BBS7: variants seen among roughly 807,000 people sequenced by gnomAD.
BBS7 encodes the protein BBSome complex member BBS7.
Under a neutral mutation model 90.3 loss-of-function variants are expected in BBS7, and 50 were observed. That is an observed-to-expected ratio of 0.55 (90% CI 0.44 to 0.70). The LOEUF (loss-of-function observed/expected upper bound fraction) is 0.70. Ranked by LOEUF, BBS7 falls within the 30% of genes least tolerant of loss-of-function variation. The pLI is 0.00. For missense variants in BBS7, 729 were observed against 838.9 expected (o/e 0.87, Z 1.62); for synonymous variants, 235 against 287.4 (o/e 0.82, Z 1.85).
At chr4:121,841,571 A>ATT (rs1725745106) in intron 12 of BBS7, among the ~76,000 whole-genome samples, 3 of 151,016 alleles carry the variant, frequency 2.0e-5, no homozygotes, top group African/African-American at 7.3e-5. Flanking sequence ...CATCTTTTAA[A>ATT]AAAAAAAAAG....
chr4:121,847,682 CAGACTACAGAGAAATTACTTA>C (rs1429638835), intron 9 of BBS7, among the ~76,000 whole-genome samples, 176 bp from the exon 10 acceptor site: 1 of 152,056 alleles, frequency 6.6e-6, no homozygotes, highest in Non-Finnish European at 1.5e-5. Context: ...GGAAAATATT[CAGACTACAGAGAAATTACTTA>C]AGCATTTCAC....
chr4:121,866,122 C>T (rs975983194), intron 2 of BBS7, among the ~76,000 whole-genome samples: 1 of 151,932 alleles, frequency 6.6e-6, no homozygotes, highest in Non-Finnish European at 1.5e-5. Flanking sequence ...ATATTAATTC[C>T]TTGTTGGATG....
chr4:121,861,563 T>A lies in BBS7; in HGVS notation c.282A>T (p.Thr94=), dbSNP rs1459873704. Residue 94 remains threonine (T), a synonymous_variant, in exon 4 of 19, where the codon ACA becomes ACT. Coordinates refer to ENST00000264499, the MANE Select transcript of BBS7 (RefSeq NM_176824.3). ...IAAASEIRGF[T]KRGKQFLSFE... is the part of the protein sequence containing the mutation. ...AGGAGAGGAACTGTTTTCCTCTTTT[T>A]GTGAAGCCTCTAATCTCAGATGCTG... is the stretch of plus-strand genomic sequence containing the variant. 8 of 1,613,914 alleles carry A rather than the reference T, an allele frequency of 5.0e-6. No homozygotes were observed. Among genetic ancestry groups the A allele is most frequent in the Non-Finnish European group, 6.8e-6 (8 of 1,179,830 alleles).
intron 2 of BBS7, among the ~76,000 whole-genome samples, chr4:121,866,146 T>C (rs953296217): frequency 1.2e-4 from 18 of 152,312 alleles, no homozygotes; most frequent in African/African-American, 4.1e-4. Context: ...AGTTTGCAAA[T>C]ATTTTAAATC....
In BBS7 at chr4:121,824,597, T is replaced by G. The variant is rs926943277; in HGVS notation, c.*1263A>C. On this transcript the variant is annotated 3_prime_UTR_variant, in exon 19 of 19. Coordinates refer to ENST00000264499, the MANE Select transcript of BBS7 (RefSeq NM_176824.3). This position sits in a 1 kb window ranked among gnomAD's most constrained non-coding sequence, Gnocchi z 4.1. ...TGCATTACAAAATATTCAAATACAG[T>G]CATTAATTTTTTTCTATTTTTCCCC... The G allele has an allele frequency of 6.6e-6, 1 of 152,118 alleles. No homozygotes were observed. The highest frequency in any genetic ancestry group is 1.5e-5 in the Non-Finnish European group (1 of 67,998). 9.4% of individuals were successfully genotyped at this position (152,118 alleles called of 1,614,324 possible). A position where few individuals can be genotyped will look rare whatever the true frequency, so the allele number is the denominator to read the frequency against.
intron 9 of BBS7, 87 bp downstream of exon 9, chr4:121,848,757 T>A: frequency 9.0e-7 from 1 of 1,116,790 alleles, no homozygotes; most frequent in Non-Finnish European, 1.3e-6. Flanking sequence ...AACTGTTTTT[T>A]AAAAAGAGTC....
chr4:121,847,553 T>G, intron 9 of BBS7, 47 bp from the exon 10 acceptor site: 1 of 1,320,028 alleles, frequency 7.6e-7, no homozygotes, highest in Non-Finnish European at 1.1e-6. Flanking sequence ...CTGCTAGTGT[T>G]AAAAAGATAA....
intron 5 of BBS7, 71 bp from the exon 6 acceptor site, chr4:121,855,632 T>A: frequency 7.8e-7 from 1 of 1,288,016 alleles, no homozygotes; most frequent in East Asian, 2.3e-5. Context: ...ATGAATAACA[T>A]CAATATTCAA....
At position 121,861,671 on chromosome 4, in the gene BBS7, G is replaced by A. The variant is rs763396174; in HGVS notation, c.174C>T (p.Phe58=). The A allele has an allele frequency of 1.2e-6, 2 of 1,613,264 alleles. No individual in the cohort carries two copies. Among genetic ancestry groups the A allele is most frequent in the South Asian group, 2.2e-5 (2 of 91,038 alleles). Residue 58 remains phenylalanine (F), a synonymous_variant, in exon 4 of 19, where the codon TTC becomes TTT. Transcript: ENST00000264499. ...CAATCTTCGGCCCGGGTAAAGTCTT[G>A]AACACTGCCTGAAAAAAATCATTCA... ...GMKKGEAAAV[F]KTLPGPKIAR... is the part of the protein sequence containing the mutation.
rs560226284 is a variant in BBS7 at position 121,828,310 on chromosome 4, T to G, written c.1891-41A>C. ...AACAGAAGCACCTTAATATTCAAAA[T>G]TCAATCCAATGTAATGTTAAAGTAT... On this transcript the variant is annotated intron_variant, in intron 17 of 18. Coordinates refer to ENST00000264499, the MANE Select transcript of BBS7 (RefSeq NM_176824.3). The G allele has an allele frequency of 3.8e-6, 6 of 1,596,696 alleles. No homozygotes were observed. In the East Asian group the frequency reaches 1.1e-4, roughly 30 times the overall value.
chr4:121,867,360 G>A (rs972102182), intron 2 of BBS7, among the ~76,000 whole-genome samples: 19 of 151,934 alleles, frequency 1.3e-4, no homozygotes, highest in Admixed American at 2.6e-4. Flanking sequence ...TCATGTCATC[G>A]GCAAACAGAG....
chr4:121,861,572 T>A lies in BBS7; in HGVS notation c.273A>T (p.Arg91Ser). The A allele has an allele frequency of 6.2e-7, 1 of 1,613,880 alleles. No individual in the cohort carries two copies. Among genetic ancestry groups the A allele is most frequent in the East Asian group, 2.2e-5 (1 of 44,872 alleles). ...KIFIAAASEIRGFTKRGKQFL... is the reference protein window; with the variant it reads ...KIFIAAASEISGFTKRGKQFL... ...ACTGTTTTCCTCTTTTTGTGAAGCC[T>A]CTAATCTCAGATGCTGCAGCAATAA... is the stretch of plus-strand genomic sequence containing the variant. Residue 91 changes from arginine (R) to serine (S), a missense_variant, in exon 4 of 19, where the codon AGA (arginine) becomes AGT (serine). Arg to Ser is a moderately radical substitution (Grantham distance 110). Transcript: ENST00000264499.
At chr4:121,846,750 TA>T (rs1417106447) in intron 10 of BBS7, among the ~76,000 whole-genome samples, 1 of 152,148 alleles carries the variant, frequency 6.6e-6, no homozygotes, top group Non-Finnish European at 1.5e-5. Flanking sequence ...TTTGCTGCCT[TA>T]AAAGTTTCTG....
rs115481285 is a variant in BBS7, at chr4:121,853,154, A to G, written c.719-68T>C. 2.8e-3 allele frequency: 4,395 copies of G among 1,551,008 alleles called. 136 individuals carry two copies. In the African/African-American group the frequency reaches 0.053, roughly 19 times the overall value. ...GTTATGGTCAAGTATATGCCAAGTA[A>G]GAATGAAAAAAACACACATACCGAC... On this transcript the variant is annotated intron_variant, in intron 7 of 18. Coordinates refer to ENST00000264499, the MANE Select transcript of BBS7 (RefSeq NM_176824.3).
chr4:121,856,774 GTTT>G (rs544291720), intron 5 of BBS7, among the ~76,000 whole-genome samples: 14 of 144,004 alleles, frequency 9.7e-5, no homozygotes, highest in African/African-American at 3.5e-4. Context: ...TTGTTTTAAT[GTTT>G]TTTTTTTTTT....
intron 7 of BBS7, among the ~76,000 whole-genome samples, chr4:121,853,617 A>G (rs540740143): frequency 6.6e-6 from 1 of 151,930 alleles, no homozygotes; most frequent in Non-Finnish European, 1.5e-5. Context: ...AGCTACTGAT[A>G]GCCTAGACTA....
intron 7 of BBS7, 83 bp from the exon 8 acceptor site, chr4:121,853,169 C>T (rs1726415493): frequency 6.9e-7 from 1 of 1,446,506 alleles, no homozygotes; most frequent in South Asian, 1.2e-5. Context: ...GAAAAAAACA[C>T]ACATACCGAC....
chr4:121,859,234 C>T (rs1726848548), intron 4 of BBS7, 56 bp from the exon 5 acceptor site: 4 of 1,502,928 alleles, frequency 2.7e-6, no homozygotes, highest in Admixed American at 3.4e-5. Flanking sequence ...GAATTTTTTT[C>T]AGAGATAAAA....
intron 3 of BBS7, 117 bp downstream of exon 3, chr4:121,863,100 C>T: frequency 1.0e-6 from 1 of 970,768 alleles, no homozygotes; most frequent in Non-Finnish European, 1.6e-6. Flanking sequence ...TAACTACTTA[C>T]CTCAGAACCC....
Sources: allele counts gnomAD v4.1 joint callset (sites outside exome capture counted in the v4.1 genomes callset), GRCh38; gene constraint gnomAD v4.1.1; non-coding constraint Gnocchi (gnomAD v3.1); transcripts MANE v1.5; gene names NCBI Gene and HGNC (gene_info 2026-07-23, HGNC 2026-07-21).